Variants in ST6GALNAC3 observed in about 807,000 individuals in gnomAD.
ST6GALNAC3 encodes ST6 N-acetylgalactosaminide alpha-2,6-sialyltransferase 3.
A neutral mutation model predicts 32.7 loss-of-function variants in ST6GALNAC3; 25 were observed. That is an observed-to-expected ratio of 0.76 (90% confidence interval 0.56 to 1.07). The LOEUF (loss-of-function observed/expected upper bound fraction) is 1.07, where lower values mean the gene tolerates loss of function less well. Ranked by LOEUF, ST6GALNAC3 falls within the 50% of genes least tolerant of loss-of-function variation. ST6GALNAC3 has a pLI of 0.00. For synonymous variants in ST6GALNAC3, 129 were observed against 133.1 expected (o/e 0.97, Z 0.21); for missense variants, 355 against 382.4 (o/e 0.93, Z 0.60).
chr1:76,590,978 A>G (rs1334157819), intron 3 of ST6GALNAC3, among the ~76,000 whole-genome samples: 1 of 152,210 alleles, frequency 6.6e-6, no homozygotes, highest in Non-Finnish European at 1.5e-5. Context: ...GGTTTGGAAA[A>G]AGAAATAGAA....
intron 1 of ST6GALNAC3, among the ~76,000 whole-genome samples, chr1:76,292,257 T>G (rs999007256): frequency 7.2e-5 from 11 of 152,064 alleles, no homozygotes; most frequent in Non-Finnish European, 1.6e-4. Flanking sequence ...AATTTAAAAT[T>G]ATTATATTAG....
At chr1:76,327,383 T>C (rs1053463343) in intron 2 of ST6GALNAC3, among the ~76,000 whole-genome samples, 7 of 151,264 alleles carry the variant, frequency 4.6e-5, no homozygotes, top group African/African-American at 1.7e-4. Flanking sequence ...ATTGTGGGAG[T>C]AAGCCAGTAG....
At chr1:76,443,723 A>G (rs1382114407) in intron 3 of ST6GALNAC3, among the ~76,000 whole-genome samples, 1 of 152,254 alleles carries the variant, frequency 6.6e-6, no homozygotes, top group Non-Finnish European at 1.5e-5. Flanking sequence ...ATGAAGCTCT[A>G]TAAAAATTAT....
At chr1:76,171,245 A>C (rs1047770333) in intron 1 of ST6GALNAC3, among the ~76,000 whole-genome samples, 3 of 152,150 alleles carry the variant, frequency 2.0e-5, no homozygotes, top group African/African-American at 4.8e-5. Context: ...TAGTGAAGCT[A>C]TTGATGTAAT....
intron 1 of ST6GALNAC3, among the ~76,000 whole-genome samples, chr1:76,187,970 C>T (rs1207986299): frequency 1.3e-5 from 2 of 152,148 alleles, no homozygotes; most frequent in African/African-American, 4.8e-5. Context: ...CTCTCTGAGA[C>T]TCAACGCTTA....
intron 3 of ST6GALNAC3, among the ~76,000 whole-genome samples, chr1:76,489,624 A>C (rs1660363537): frequency 6.6e-6 from 1 of 152,196 alleles, no homozygotes; most frequent in Admixed American, 6.6e-5. Context: ...GGAATAATCA[A>C]AACTCTGAAC....
chr1:76,160,621 C>T (rs2100374899), intron 1 of ST6GALNAC3, among the ~76,000 whole-genome samples: 1 of 152,324 alleles, frequency 6.6e-6, no homozygotes, highest in Middle Eastern at 3.4e-3. Context: ...AGGCTGTGAA[C>T]TGTTCATTAC....
intron 3 of ST6GALNAC3, among the ~76,000 whole-genome samples, chr1:76,498,735 A>G (rs1557493208): frequency 6.6e-6 from 1 of 151,968 alleles, no homozygotes; most frequent in Non-Finnish European, 1.5e-5. Flanking sequence ...CAGAAAAAAA[A>G]AAAACGGAGA....
At chr1:76,229,597 T>C (rs1041655080) in intron 1 of ST6GALNAC3, among the ~76,000 whole-genome samples, 1 of 152,236 alleles carries the variant, frequency 6.6e-6, no homozygotes, top group African/African-American at 2.4e-5. Context: ...TCTTTGTTTA[T>C]TTCCAGAGGG....
At chr1:76,341,863 C>G (rs754411364) in intron 2 of ST6GALNAC3, among the ~76,000 whole-genome samples, 2 of 151,952 alleles carry the variant, frequency 1.3e-5, no homozygotes, top group Non-Finnish European at 2.9e-5. Flanking sequence ...TCCCCTATCC[C>G]CCTGCTTCCT....
chr1:76,528,432 A>G (rs576046117), intron 3 of ST6GALNAC3, among the ~76,000 whole-genome samples: 11 of 152,188 alleles, frequency 7.2e-5, no homozygotes, highest in Middle Eastern at 3.4e-3. Flanking sequence ...ATTCATAACT[A>G]TTGTCCTGTA....
rs76550474 is a variant in ST6GALNAC3, at chr1:76,375,923, C to G, written c.214-36085C>G. Among the ~76,000 whole-genome samples the G allele has an allele frequency of 7.7e-3, 1,174 of 152,038 alleles. 10 individuals carry two copies. The highest frequency in any genetic ancestry group is 0.027 in the African/African-American group (1,102 of 41,460). On this transcript the variant is annotated intron_variant, in intron 2 of 4. Coordinates refer to ENST00000328299, the MANE Select transcript of ST6GALNAC3 (RefSeq NM_152996.4). ...TAAAACTTGTGTGAAAAATATAGAT[C>G]CAAATGTGTGAGTGCATTCATGCAT...
rs1654977191 is a variant in ST6GALNAC3, at chr1:76,208,793, CT to C, written c.19-105008del. Among the ~76,000 whole-genome samples the C allele has an allele frequency of 1.3e-5, 2 of 152,158 alleles. 1 individual carries two copies. The highest frequency in any genetic ancestry group is 4.1e-4 in the South Asian group (2 of 4,828). On this transcript the variant is annotated intron_variant, in intron 1 of 4. Coordinates refer to ENST00000328299, the MANE Select transcript of ST6GALNAC3 (RefSeq NM_152996.4). ...CTTGGAGCGAGATGCATCATCAATACTTTTCATACTAAACGTTCTCTCCTAT... is the reference window on the plus strand; with the variant it reads ...CTTGGAGCGAGATGCATCATCAATACTTTCATACTAAACGTTCTCTCCTAT...
At chr1:76,502,307 C>T (rs1291731696) in intron 3 of ST6GALNAC3, among the ~76,000 whole-genome samples, 4 of 152,154 alleles carry the variant, frequency 2.6e-5, no homozygotes, top group Non-Finnish European at 5.9e-5. Context: ...CTCCATAAAC[C>T]ACCTTTTGAG....
At chr1:76,366,568 G>A (rs189304391) in intron 2 of ST6GALNAC3, among the ~76,000 whole-genome samples, 162 of 152,228 alleles carry the variant, frequency 1.1e-3, no homozygotes, top group Admixed American at 4.4e-3. Flanking sequence ...TGGCTTGACC[G>A]CTTCCATATG....
intron 3 of ST6GALNAC3, among the ~76,000 whole-genome samples, chr1:76,478,407 TG>T (rs770848135): frequency 8.5e-5 from 13 of 152,208 alleles, no homozygotes; most frequent in Non-Finnish European, 1.6e-4. Context: ...GAGTTCCTCC[TG>T]GTTTGTTTTC....
At chr1:76,628,043 TA>T (rs1381260158) in intron 4 of ST6GALNAC3, among the ~76,000 whole-genome samples, 2 of 151,950 alleles carry the variant, frequency 1.3e-5, no homozygotes, top group African/African-American at 4.8e-5. Context: ...GATCCTTATT[TA>T]AAATGAGTGT....
chr1:76,615,397 G>A (rs1415397522), intron 3 of ST6GALNAC3, among the ~76,000 whole-genome samples: 12 of 152,060 alleles, frequency 7.9e-5, no homozygotes, highest in Admixed American at 7.9e-4. Flanking sequence ...AACAAGAGTT[G>A]GCAGGTAATT....
intron 1 of ST6GALNAC3, among the ~76,000 whole-genome samples, chr1:76,143,109 T>C (rs1028294615): frequency 1.3e-5 from 2 of 152,236 alleles, no homozygotes; most frequent in Non-Finnish European, 2.9e-5. Flanking sequence ...TTTACTTTCA[T>C]AGAAGGCTTT....
Sources: gnomAD v4.1 joint callset for allele counts (sites outside exome capture counted in the v4.1 genomes callset) on GRCh38, gnomAD v4.1.1 for gene constraint, MANE v1.5 for transcripts, NCBI Gene and HGNC (gene_info 2026-07-23, HGNC 2026-07-21) for gene names.